Variants in GPHN observed in about 807,000 individuals in gnomAD.
GPHN encodes gephyrin.
A neutral mutation model predicts 95.5 loss-of-function variants in GPHN; 17 were observed. That is an observed-to-expected ratio of 0.18 (90% CI 0.12 to 0.27). The LOEUF is 0.27. Ranked by LOEUF, GPHN falls within the 10% of genes least tolerant of loss-of-function variation. GPHN has a pLI of 1.00. For missense variants in GPHN, 660 were observed against 978.1 expected (o/e 0.67, Z 4.34); for synonymous variants, 320 against 322.5 (o/e 0.99, Z 0.08).
At chr14:67,571,050 T>G in the GPHN span, 10 of 152,356 alleles carry the variant, frequency 6.6e-5, no homozygotes, top group Non-Finnish European at 1.3e-4. Flanking sequence ...AGGTGTCCAG[T>G]ACCCTTGGTA....
chr14:67,122,212 A>C (rs772917462), intron 16 of GPHN, 44 bp from the exon 17 acceptor site: 3 of 1,604,028 alleles, frequency 1.9e-6, no homozygotes, highest in Non-Finnish European at 2.6e-6. Flanking sequence ...AATATGCAAC[A>C]TTAACCTAAT....
chr14:67,328,886 T>C, the GPHN span, among the ~76,000 whole-genome samples: 5 of 152,204 alleles, frequency 3.3e-5, no homozygotes, highest in African/African-American at 1.2e-4. Context: ...TGTAGCCTTG[T>C]AGTATAGTTT....
At chr14:67,694,095 T>C in the GPHN span, among the ~76,000 whole-genome samples, 1 of 152,222 alleles carries the variant, frequency 6.6e-6, no homozygotes, top group Admixed American at 6.5e-5. Context: ...GACCAGGAGA[T>C]GCATTCTTAA....
At chr14:67,599,977 G>GCCA in the GPHN span, 1 of 1,494,220 alleles carries the variant, frequency 6.7e-7, no homozygotes, top group South Asian at 1.3e-5. Flanking sequence ...CCCTCCCAAA[G>GCCA]CCGAACCCCC....
chr14:66,926,313 G>A (rs768517727), intron 8 of GPHN, among the ~76,000 whole-genome samples: 14 of 152,094 alleles, frequency 9.2e-5, no homozygotes, highest in Non-Finnish European at 1.9e-4. Flanking sequence ...AGAAATCTTT[G>A]CCCAGTCCAA....
At position 66,623,641 on chromosome 14, in the gene GPHN, A is replaced by G. The variant is rs533730225; in HGVS notation, c.65-57466A>G. ...TCAAAAAAAAAAAAAAAAAAAAAGC[A>G]AAGTCATGCTTATTGGTGTATGTGC... On this transcript the variant is annotated intron_variant, in intron 1 of 22. Coordinates refer to ENST00000478722, the MANE Select transcript of GPHN (RefSeq NM_020806.5). Among the ~76,000 whole-genome samples, 3 of 148,954 alleles carry G rather than the reference A, an allele frequency of 2.0e-5. 1 individual carries two copies. In the East Asian group the frequency reaches 5.9e-4, roughly 29 times the overall value.
At chr14:66,910,282 C>T (rs746443430) in intron 5 of GPHN, among the ~76,000 whole-genome samples, 1 of 151,772 alleles carries the variant, frequency 6.6e-6, no homozygotes, top group Non-Finnish European at 1.5e-5. Flanking sequence ...AAATTTCAAA[C>T]ATATACCAAA....
the GPHN span, among the ~76,000 whole-genome samples, chr14:67,295,838 C>T: frequency 6.6e-6 from 1 of 152,058 alleles, no homozygotes; most frequent in African/African-American, 2.4e-5. Flanking sequence ...TATACTGTGA[C>T]CCAGCAATTT....
intron 2 of GPHN, among the ~76,000 whole-genome samples, chr14:66,771,177 CTTCT>C (rs1381311052): frequency 6.6e-6 from 1 of 152,118 alleles, no homozygotes; most frequent in Non-Finnish European, 1.5e-5. Flanking sequence ...TCAGTTGTCA[CTTCT>C]TTCTATTTAA....
intron 8 of GPHN, among the ~76,000 whole-genome samples, chr14:66,960,583 A>G (rs1011837576): frequency 6.6e-6 from 1 of 152,122 alleles, no homozygotes; most frequent in African/African-American, 2.4e-5. Context: ...ACCTAGAACC[A>G]AAAAATTAAT....
chr14:67,452,535 C>T, the GPHN span, among the ~76,000 whole-genome samples: 1 of 152,080 alleles, frequency 6.6e-6, no homozygotes, highest in Non-Finnish European at 1.5e-5. Context: ...GAAAATGCAC[C>T]AATACAAGGT....
At chr14:66,597,920 A>G (rs1004711896) in intron 1 of GPHN, among the ~76,000 whole-genome samples, 3 of 152,322 alleles carry the variant, frequency 2.0e-5, no homozygotes, top group Non-Finnish European at 4.4e-5. Flanking sequence ...AAAACATGTT[A>G]TATATACACA....
the GPHN span, among the ~76,000 whole-genome samples, chr14:67,712,183 G>A: frequency 2.6e-5 from 4 of 152,076 alleles, no homozygotes; most frequent in Admixed American, 1.3e-4. Context: ...ACCTCCCAAA[G>A]TGTTGGGATT....
At chr14:67,306,000 TCTCA>T in the GPHN span, among the ~76,000 whole-genome samples, 5,092 of 152,226 alleles carry the variant, frequency 0.033, 101 homozygotes, top group East Asian at 0.037. Flanking sequence ...TTACTTGGAG[TCTCA>T]CTCTTGTCAC....
In GPHN at chr14:66,508,286, G is replaced by A; in HGVS notation, c.-242G>A. ...CGCCCCCCAAGCTTGCCTCCTTCTT[G>A]CCGGACTTGGGGCCGCGCGCCCTGA... On this transcript the variant is annotated 5_prime_UTR_variant, in exon 1 of 23. Coordinates refer to ENST00000478722, the MANE Select transcript of GPHN (RefSeq NM_020806.5). The A allele has an allele frequency of 1.7e-6, 1 of 583,796 alleles. No homozygotes were observed. Among genetic ancestry groups the A allele is most frequent in the Non-Finnish European group, 3.1e-6 (1 of 327,722 alleles). The allele number at this position is 583,796 out of a possible 1,614,324, so 36.2% of individuals were successfully genotyped here.
chr14:67,674,507 AGCAGCGG>A, the GPHN span: 2 of 1,570,658 alleles, frequency 1.3e-6, no homozygotes, highest in Admixed American at 1.9e-5. Flanking sequence ...GCCGCGCTGG[AGCAGCGG>A]CCACCGAGAT....
chr14:66,927,034 A>G lies in GPHN; in HGVS notation c.828+2742A>G, dbSNP rs187977734. Among the ~76,000 whole-genome samples the G allele has an allele frequency of 1.4e-3, 219 of 151,910 alleles. 4 individuals carry two copies. Among genetic ancestry groups the G allele is most frequent in the Non-Finnish European group, 2.5e-3 (172 of 67,946 alleles). ...GGATTACTTTCTTAATTTCTTTTTC[A>G]TATTGTTCACTGTTGGCATATAGAA... On this transcript the variant is annotated intron_variant, in intron 8 of 22. Coordinates refer to ENST00000478722, the MANE Select transcript of GPHN (RefSeq NM_020806.5).
At chr14:67,600,885 C>T in the GPHN span, among the ~76,000 whole-genome samples, 1 of 152,108 alleles carries the variant, frequency 6.6e-6, no homozygotes, top group Non-Finnish European at 1.5e-5. Context: ...AGCCCAAACC[C>T]ACAGTTTTAA....
the GPHN span, among the ~76,000 whole-genome samples, chr14:67,641,438 G>T: frequency 1.3e-5 from 2 of 152,198 alleles, no homozygotes; most frequent in East Asian, 3.8e-4. Flanking sequence ...CTTAATAGCT[G>T]TGTAACTTGG....
Sources: gnomAD v4.1 joint callset for allele counts (sites outside exome capture counted in the v4.1 genomes callset) on GRCh38, gnomAD v4.1.1 for gene constraint, MANE v1.5 for transcripts, NCBI Gene and HGNC (gene_info 2026-07-23, HGNC 2026-07-21) for gene names.